FAT3: variants seen among roughly 807,000 people sequenced by gnomAD.
FAT3 encodes the protein FAT atypical cadherin 3, also known as protocadherin Fat 3.
In FAT3, 95 loss-of-function variants were observed where a neutral mutation model predicts 310.2. The observed-to-expected ratio is 0.31, with a 90% CI of 0.26 to 0.36. The LOEUF (loss-of-function observed/expected upper bound fraction) is 0.36. FAT3 is among the 10% of genes least tolerant of loss of function. The pLI is 1.00. For synonymous variants in FAT3, 2,314 were observed against 2,192.9 expected (o/e 1.06, Z -1.54); for missense variants, 5,408 against 5,715.6 (o/e 0.95, Z 1.74).
intron 1 of FAT3, among the ~76,000 whole-genome samples, chr11:92,252,489 A>G (rs2134281230): frequency 6.6e-6 from 1 of 152,256 alleles, no homozygotes; most frequent in East Asian, 1.9e-4. Context: ...TGACCATTTC[A>G]TAGGAGTCCT....
chr11:92,276,085 G>T (rs970988843), intron 1 of FAT3, among the ~76,000 whole-genome samples: 1 of 152,136 alleles, frequency 6.6e-6, no homozygotes, highest in Non-Finnish European at 1.5e-5. Context: ...CTGCCAAATT[G>T]TAGTTCTTTG....
rs140502264 is a variant in FAT3 at position 92,885,687 on chromosome 11, G to A, written c.12938-1313G>A. ...TCTTTTTTATTTAGCAATAAAAAAG[G>A]GGGGAGTTAATAAATGAAGGAGTGG... On this transcript the variant is annotated intron_variant, in intron 24 of 27. Transcript: ENST00000525166. Among the ~76,000 whole-genome samples the A allele has an allele frequency of 2.0e-5, 3 of 152,210 alleles. No individual in the cohort carries two copies. The East Asian group carries it at 5.8e-4, about 29-fold the overall frequency.
At chr11:92,683,696 T>C (rs778834320) in intron 3 of FAT3, among the ~76,000 whole-genome samples, 4 of 152,188 alleles carry the variant, frequency 2.6e-5, no homozygotes, top group Non-Finnish European at 4.4e-5. Context: ...GCTGGCATTG[T>C]AGTACATATG....
rs551243710 is a variant in FAT3, at chr11:92,799,332, A to G, written c.6319A>G (p.Thr2107Ala). The G allele has an allele frequency of 1.7e-5, 27 of 1,613,918 alleles. No individual in the cohort carries two copies. The East Asian group carries it at 4.0e-4, about 24-fold the overall frequency. ...ACCCGGGACTCTGATTTATCAGGTGACAGCCATTGACAAAGATAAAGGTCC... is the reference window on the plus strand; with the variant it reads ...ACCCGGGACTCTGATTTATCAGGTGGCAGCCATTGACAAAGATAAAGGTCC... The part of the protein sequence containing the change: ...AEPGTLIYQV[T>A]AIDKDKGPNG... Residue 2107 changes from threonine (T) to alanine (A), a missense_variant, in exon 10 of 28, where the codon ACA becomes GCA. Physicochemically the swap from Thr to Ala is moderately conservative, Grantham distance 58 (BLOSUM62 0). Transcript: ENST00000525166.
At chr11:92,762,687 A>G (rs1946186232) in intron 5 of FAT3, among the ~76,000 whole-genome samples, 1 of 152,250 alleles carries the variant, frequency 6.6e-6, no homozygotes, top group African/African-American at 2.4e-5. Context: ...TCAAGTATAA[A>G]GTGACTGAAT....
intron 21 of FAT3, 113 bp downstream of exon 21, chr11:92,859,435 C>G: frequency 8.9e-7 from 1 of 1,125,324 alleles, no homozygotes; most frequent in Non-Finnish European, 1.2e-6. Flanking sequence ...AGACCAGAAG[C>G]AGACTTCTGG....
chr11:92,564,258 T>G (rs1398396433), intron 3 of FAT3, among the ~76,000 whole-genome samples: 5 of 151,480 alleles, frequency 3.3e-5, no homozygotes, highest in African/African-American at 7.3e-5. Context: ...TAAAACAGAC[T>G]TTAAACCAAC....
chr11:92,306,503 G>A (rs1166772037), intron 1 of FAT3, among the ~76,000 whole-genome samples: 12 of 112,784 alleles, frequency 1.1e-4, no homozygotes, highest in African/African-American at 4.4e-4. Context: ...TATTATATAT[G>A]TTATATATAT....
At chr11:92,265,858 G>C (rs2134320134) in intron 1 of FAT3, among the ~76,000 whole-genome samples, 1 of 152,090 alleles carries the variant, frequency 6.6e-6, no homozygotes, top group South Asian at 2.1e-4. Flanking sequence ...CCACCTGTTA[G>C]TACCACCTTG....
intron 3 of FAT3, among the ~76,000 whole-genome samples, chr11:92,613,363 T>C (rs1940655029): frequency 6.6e-6 from 1 of 150,468 alleles, no homozygotes; most frequent in South Asian, 2.1e-4. Flanking sequence ...TTTTTGAGAA[T>C]GAGACTATTG....
At chr11:92,506,194 A>G (rs979565850) in intron 2 of FAT3, among the ~76,000 whole-genome samples, 3 of 152,124 alleles carry the variant, frequency 2.0e-5, no homozygotes, top group South Asian at 2.1e-4. Flanking sequence ...CATTTTTGCA[A>G]ACCTTTCTGT....
intron 3 of FAT3, among the ~76,000 whole-genome samples, chr11:92,556,026 A>T (rs990410492): frequency 6.6e-6 from 1 of 152,182 alleles, no homozygotes; most frequent in African/African-American, 2.4e-5. Flanking sequence ...GGTGAGTGTT[A>T]TATGAGGTCA....
At chr11:92,500,023 A>C (rs995798796) in intron 2 of FAT3, among the ~76,000 whole-genome samples, 2 of 152,162 alleles carry the variant, frequency 1.3e-5, no homozygotes, top group African/African-American at 4.8e-5. Flanking sequence ...TAGTAAGGGT[A>C]AATAATGTAA....
intron 1 of FAT3, among the ~76,000 whole-genome samples, chr11:92,249,232 T>C (rs1865044166): frequency 6.6e-6 from 1 of 152,090 alleles, no homozygotes; most frequent in Admixed American, 6.6e-5. Flanking sequence ...CAGATGAACT[T>C]GCAGGGAGTA....
chr11:92,433,677 C>T (rs143174195), intron 2 of FAT3, among the ~76,000 whole-genome samples: 95 of 152,184 alleles, frequency 6.2e-4, no homozygotes, highest in African/African-American at 1.9e-3. Context: ...TGTTCTTATT[C>T]GGCCATCTTG....
At chr11:92,583,329 C>T (rs570799828) in intron 3 of FAT3, among the ~76,000 whole-genome samples, 1 of 152,136 alleles carries the variant, frequency 6.6e-6, no homozygotes, top group African/African-American at 2.4e-5. Flanking sequence ...GTCTTTCCCT[C>T]CTTTCTGTTG....
intron 3 of FAT3, among the ~76,000 whole-genome samples, chr11:92,551,119 G>A (rs1480234312): frequency 6.6e-6 from 1 of 152,044 alleles, no homozygotes; most frequent in Non-Finnish European, 1.5e-5. Context: ...ATCCCTGTGA[G>A]GCAGGGCTGA....
intron 1 of FAT3, among the ~76,000 whole-genome samples, chr11:92,282,163 C>G (rs762740694): frequency 2.3e-4 from 35 of 152,248 alleles, no homozygotes; most frequent in Non-Finnish European, 3.8e-4. Flanking sequence ...GCCTCAGCCT[C>G]CCAAAGACAT....
Position 92,352,896 on chromosome 11 carries a change from CA to C in FAT3, c.785del (p.His262LeufsTer7). On this transcript the variant is annotated frameshift_variant, in exon 2 of 28. Transcript: ENST00000525166. LOFTEE classifies it high-confidence loss of function. ...LYVHIERINE[H>X]APTIHVVTHV... ...TGTTCACATTGAGCGCATAAATGAA[CA>C]TGCCCCAACAATCCATGTAGTCACT... is the stretch of plus-strand genomic sequence containing the variant. The C allele has an allele frequency of 6.2e-7, 1 of 1,613,834 alleles. No individual in the cohort carries two copies. The highest frequency in any genetic ancestry group is 8.5e-7 in the Non-Finnish European group (1 of 1,179,852).
Sources: gnomAD v4.1 joint callset for allele counts (sites outside exome capture counted in the v4.1 genomes callset) on GRCh38, gnomAD v4.1.1 for gene constraint, MANE v1.5 for transcripts, NCBI Gene and HGNC (gene_info 2026-07-23, HGNC 2026-07-21) for gene names.